RBM47: variants seen among roughly 807,000 people sequenced by gnomAD.
RBM47 encodes RNA-binding protein 47.
RBM47 carries 21 observed loss-of-function variants against 47.1 expected under a neutral mutation model. That is an observed-to-expected ratio of 0.45 (90% CI 0.32 to 0.64). The LOEUF (loss-of-function observed/expected upper bound fraction) is 0.64. Among genes scored for constraint, RBM47 ranks in the 30% least tolerant of loss-of-function variants. RBM47 has a pLI of 0.05. For missense variants in RBM47, 708 were observed against 870.9 expected, an observed-to-expected ratio of 0.81 and a Z score of 2.35; for synonymous variants, 375 against 361.7, an observed-to-expected ratio of 1.04 and a Z score of -0.42.
intron 2 of RBM47, among the ~76,000 whole-genome samples, chr4:40,541,170 G>A (rs1008333625): frequency 1.3e-5 from 2 of 151,184 alleles, no homozygotes; most frequent in Admixed American, 6.6e-5. Context: ...CGAGGCTGAG[G>A]AGGGAGAATT....
At chr4:40,458,441 T>C (rs1455293930) in intron 3 of RBM47, among the ~76,000 whole-genome samples, 2 of 152,228 alleles carry the variant, frequency 1.3e-5, no homozygotes, top group Non-Finnish European at 2.9e-5. Context: ...ATAATTATAG[T>C]AGAATAGCAT....
At chr4:40,613,526 A>G (rs559419242) in intron 1 of RBM47, among the ~76,000 whole-genome samples, 1 of 152,342 alleles carries the variant, frequency 6.6e-6, no homozygotes, top group Admixed American at 6.5e-5. Flanking sequence ...AACATTCCTA[A>G]GAACAGAGTT....
chr4:40,520,114 T>C (rs1349878797), intron 2 of RBM47, among the ~76,000 whole-genome samples: 1 of 152,196 alleles, frequency 6.6e-6, no homozygotes, highest in African/African-American at 2.4e-5. Flanking sequence ...AAGCCTTTTA[T>C]GTTCTTTTTT....
At position 40,423,701 on chromosome 4, in the gene RBM47, TTTCTTTCTTTC is replaced by T. The variant is rs1467268238; in HGVS notation, c.*2192_*2202del. The T allele has an allele frequency of 9.3e-5, 6 of 64,794 alleles. No individual in the cohort carries two copies. Among genetic ancestry groups the T allele is most frequent in the African/African-American group, 1.7e-4 (2 of 11,776 alleles). 4.0% of individuals were successfully genotyped at this position (64,794 alleles called of 1,614,324 possible). On this transcript the variant is annotated 3_prime_UTR_variant, in exon 7 of 7. Coordinates refer to ENST00000295971, the MANE Select transcript of RBM47 (RefSeq NM_001098634.2). The stretch of plus-strand genomic sequence containing the variant: ...CTTTCTTTCTTTCTTTCTTTCTTTC[TTTCTTTCTTTC>T]TTTTCTTTCTTTTCTTTCTTCCTCT...
chr4:40,557,112 A>T (rs1288069137), intron 1 of RBM47, among the ~76,000 whole-genome samples: 1 of 152,180 alleles, frequency 6.6e-6, no homozygotes, highest in Non-Finnish European at 1.5e-5. Flanking sequence ...TGGTGGAAGT[A>T]AAAGATGCTG....
At chr4:40,579,968 G>A (rs1396442698) in intron 1 of RBM47, among the ~76,000 whole-genome samples, 1 of 151,924 alleles carries the variant, frequency 6.6e-6, no homozygotes, top group East Asian at 1.9e-4. Context: ...TTGTTGCCCA[G>A]GCTGGTCTTG....
Position 40,503,708 on chromosome 4 carries a change from G to A in RBM47, c.-154-37009C>T, listed in dbSNP as rs190044419. On this transcript the variant is annotated intron_variant, in intron 2 of 6. Transcript: ENST00000295971. Reference sequence around the variant, plus strand: ...AGAAACTCATGGAAAGCATGGAAGAGCCTAAGAGGGGGGAGAGAAGAATAT... The same window carrying A: ...AGAAACTCATGGAAAGCATGGAAGAACCTAAGAGGGGGGAGAGAAGAATAT... 5.9e-5 allele frequency among the ~76,000 whole-genome samples: 9 copies of A among 152,004 alleles called. No individual in the cohort carries two copies. The East Asian group carries it at 1.7e-3, about 29-fold the overall frequency.
intron 1 of RBM47, among the ~76,000 whole-genome samples, chr4:40,613,350 T>TA (rs555119621): frequency 1.3e-4 from 19 of 149,828 alleles, no homozygotes; most frequent in South Asian, 4.2e-4. Flanking sequence ...AGTCCCTCAA[T>TA]AAAAAAAAAG....
At chr4:40,453,610 A>G (rs953354794) in intron 3 of RBM47, among the ~76,000 whole-genome samples, 2 of 152,226 alleles carry the variant, frequency 1.3e-5, no homozygotes, top group Admixed American at 6.5e-5. Context: ...TTTATGAGTG[A>G]GACCTTCTGC....
Position 40,547,258 on chromosome 4 carries a change from T to C in RBM47, c.-239-2752A>G, listed in dbSNP as rs547908651. 1.5e-3 allele frequency among the ~76,000 whole-genome samples: 228 copies of C among 152,306 alleles called. 2 individuals are homozygous for C. The highest frequency in any genetic ancestry group is 5.1e-3 in the African/African-American group (214 of 41,558). ...AATTCAAGGTCTAACCCCTAGTATC[T>C]CACAATGTGACTATATTTGGAGACA... is the stretch of plus-strand genomic sequence containing the variant. On this transcript the variant is annotated intron_variant, in intron 1 of 6. Transcript: ENST00000295971.
chr4:40,583,435 G>C lies in RBM47; in HGVS notation c.-239-38929C>G, dbSNP rs184465998. 1.2e-4 allele frequency among the ~76,000 whole-genome samples: 18 copies of C among 149,262 alleles called. No homozygotes were observed. The East Asian group carries it at 3.4e-3, about 28-fold the overall frequency. The stretch of plus-strand genomic sequence containing the variant: ...AAAAAGGGAAACAGAAGCTGGACAA[G>C]GTGATGCACGCCTGTAGTCCCAGTT... On this transcript the variant is annotated intron_variant, in intron 1 of 6. Transcript: ENST00000295971.
intron 1 of RBM47, among the ~76,000 whole-genome samples, chr4:40,592,168 G>A (rs1179080168): frequency 6.6e-6 from 1 of 152,072 alleles, no homozygotes; most frequent in Non-Finnish European, 1.5e-5. Context: ...TAGCATCAAA[G>A]TAGAGTACAG....
intron 2 of RBM47, chr4:40,514,603 T>G (rs999879384): frequency 3.3e-5 from 5 of 152,228 alleles, no homozygotes; most frequent in Non-Finnish European, 7.3e-5. Context: ...CATGGCTCAG[T>G]GCTTTTGGTA....
At chr4:40,434,558 G>C (rs558199054) in intron 5 of RBM47, among the ~76,000 whole-genome samples, 5 of 152,024 alleles carry the variant, frequency 3.3e-5, no homozygotes, top group Non-Finnish European at 7.4e-5. Context: ...AAGTAGAAGC[G>C]ACGACTCCCA....
chr4:40,609,664 T>C (rs559189589), intron 1 of RBM47, among the ~76,000 whole-genome samples: 152 of 152,244 alleles, frequency 1.0e-3, no homozygotes, highest in Non-Finnish European at 1.5e-3. Context: ...TTCTATAAAT[T>C]ATATGCTTTG....
intron 2 of RBM47, among the ~76,000 whole-genome samples, chr4:40,490,305 A>G (rs1323279273): frequency 2.0e-5 from 3 of 152,140 alleles, no homozygotes; most frequent in Middle Eastern, 6.3e-3. Flanking sequence ...AAGAAAAAAA[A>G]AGAAAGAAAG....
At chr4:40,556,692 C>G (rs961887246) in intron 1 of RBM47, among the ~76,000 whole-genome samples, 2 of 151,886 alleles carry the variant, frequency 1.3e-5, no homozygotes, top group South Asian at 4.1e-4. Context: ...GAGTTCCAGA[C>G]CAGCCTGGGC....
intron 1 of RBM47, among the ~76,000 whole-genome samples, chr4:40,576,201 C>T (rs544261269): frequency 1.0e-4 from 15 of 150,682 alleles, no homozygotes; most frequent in Non-Finnish European, 2.2e-4. Flanking sequence ...CAGATTATGC[C>T]CTTTCTTCAG....
rs543182599 is a variant in RBM47 at position 40,434,683 on chromosome 4, T to C, written c.1330+1758A>G. Among the ~76,000 whole-genome samples the C allele has an allele frequency of 1.1e-3, 125 of 118,670 alleles. 1 individual carries two copies. The South Asian group carries it at 0.016, about 15-fold the overall frequency. The allele number at this position is 118,670 out of a possible 152,430, so 77.9% of individuals were successfully genotyped here. A position where few individuals can be genotyped will look rare whatever the true frequency, so the allele number is the denominator to read the frequency against. On this transcript the variant is annotated intron_variant, in intron 5 of 6. Transcript: ENST00000295971. ...CTAAGGAGTCACTTAACTGCAGAAA[T>C]TGCAGAATTTTTACACAGGCAAAAA...
Sources: allele counts gnomAD v4.1 joint callset (sites outside exome capture counted in the v4.1 genomes callset), GRCh38; gene constraint gnomAD v4.1.1; transcripts MANE v1.5; gene names NCBI Gene and HGNC (gene_info 2026-07-23, HGNC 2026-07-21).